TBC1D28: variants seen among roughly 807,000 people sequenced by gnomAD.
TBC1D28 encodes TBC1 domain family member 28.
In TBC1D28, 20 loss-of-function variants were observed where a neutral mutation model predicts 29.2. The ratio of observed to expected loss-of-function variants is 0.68; its 90% CI spans 0.48 to 0.99. The LOEUF (loss-of-function observed/expected upper bound fraction) is 0.99. TBC1D28 is among the 50% of genes least tolerant of loss of function. TBC1D28 has a pLI of 0.00. For missense variants in TBC1D28, 205 were observed against 243.7 expected (o/e 0.84, Z 1.06); for synonymous variants, 65 against 90.9 (o/e 0.71, Z 1.62).
Position 18,637,749 on chromosome 17 carries a change from C to A in TBC1D28, c.497+115G>T, listed in dbSNP as rs2031567556. ...CGGCTGCTCCCTGGGCCAGGAGAGC[C>A]CTTGGTGGCTCTGTCACCTCTCCTG... On this transcript the variant is annotated intron_variant, in intron 8 of 8. Transcript: ENST00000345096. The A allele has an allele frequency of 3.0e-6, 4 of 1,342,058 alleles. No homozygotes were observed. In the African/African-American group the frequency reaches 4.4e-5, roughly 15 times the overall value. 83.1% of individuals were successfully genotyped at this position (1,342,058 alleles called of 1,614,324 possible).
exon 1 of TBC1D28, chr17:18,641,864 C>T: frequency 5.7e-6 from 1 of 176,802 alleles, no homozygotes. Context: ...CAACGCCAGC[C>T]AAGCAGTTTG....
In TBC1D28 at chr17:18,641,432, C is replaced by T. The variant is rs192663547; in HGVS notation, c.-1-79G>A. On this transcript the variant is annotated intron_variant, in intron 2 of 8. Transcript: ENST00000345096. ...AGCCAAACCACACGCACTGCACTCCCAGACACACTCCAGTCTGGTGAGCCC... is the reference window on the plus strand; with the variant it reads ...AGCCAAACCACACGCACTGCACTCCTAGACACACTCCAGTCTGGTGAGCCC... 326 of 1,039,984 alleles carry T rather than the reference C, an allele frequency of 3.1e-4. 4 individuals are homozygous for T. In the East Asian group the frequency reaches 7.6e-3, roughly 24 times the overall value. The allele number at this position is 1,039,984 out of a possible 1,614,324, so 64.4% of individuals were successfully genotyped here.
At chr17:18,634,832 C>CCCTCAGCCT (rs1468550780), downstream of TBC1D28, among the ~76,000 whole-genome samples, 3 of 117,636 alleles carry the variant, frequency 2.6e-5, no homozygotes, top group Non-Finnish European at 6.2e-5. Flanking sequence ...GCCCCTCAGC[C>CCCTCAGCCT]CCTCAGCCTC....
chr17:18,641,776 T>C (rs190522749), intron 1 of TBC1D28, 43 bp from the exon 3 acceptor site: 32 of 202,782 alleles, frequency 1.6e-4, no homozygotes, highest in Admixed American at 2.6e-4. Flanking sequence ...CAGTTTTCCG[T>C]AGGAAGCAAG....
chr17:18,636,478 C>G, exon 9 of TBC1D28: 1 of 1,613,626 alleles, frequency 6.2e-7, no homozygotes, highest in South Asian at 1.1e-5. Flanking sequence ...AGTTGCAACA[C>G]CCCCGAGAGA....
chr17:18,636,080 G>A, exon 9 of TBC1D28: 2 of 1,029,718 alleles, frequency 1.9e-6, no homozygotes, highest in Non-Finnish European at 2.3e-6. Context: ...GAAAGTGGGG[G>A]CCAAGCAGGA....
chr17:18,641,716 G>A (rs2031776498), exon 2 of TBC1D28: 1 of 327,688 alleles, frequency 3.1e-6, no homozygotes. Context: ...GGCAGGTGGA[G>A]TCAGGGACTG....
At position 18,638,715 on chromosome 17, in the gene TBC1D28, C is replaced by T; in HGVS notation, c.199-14G>A. On this transcript the variant is annotated splice_polypyrimidine_tract_variant and intron_variant, in intron 5 of 8. Coordinates refer to ENST00000345096, the Ensembl canonical transcript of TBC1D28. ...CTTGCGTCTTTGCTGTCAAATGAGC[C>T]ATGATGGAGTTAGCGGAGCTGTCAG... 2 of 1,614,030 alleles carry T rather than the reference C, an allele frequency of 1.2e-6. No individual in the cohort carries two copies. The highest frequency in any genetic ancestry group is 1.3e-5 in the African/African-American group (1 of 75,052).
chr17:18,636,106 A>T (rs2031483774), exon 9 of TBC1D28: 1 of 1,044,994 alleles, frequency 9.6e-7, no homozygotes, highest in African/African-American at 1.7e-5. Flanking sequence ...CACCTGGGTG[A>T]CCCCCCTCCC....
In TBC1D28 at chr17:18,637,923, C is replaced by A. The variant is rs184045321; in HGVS notation, c.438G>T (p.Gln146His). Residue 146 changes from glutamine to histidine, a missense_variant, in exon 8 of 9, where the codon CAG becomes CAT. Transcript: ENST00000345096. ...TCTGCAGGGTGTGGCTGACATCTAGCTGGATGCAGTGGATGATTCTGGAGG... is the reference window on the plus strand; with the variant it reads ...TCTGCAGGGTGTGGCTGACATCTAGATGGATGCAGTGGATGATTCTGGAGG... 206 of 1,613,656 alleles carry A rather than the reference C, an allele frequency of 1.3e-4. No individual in the cohort carries two copies. Among genetic ancestry groups the A allele is most frequent in the Non-Finnish European group, 1.6e-4 (189 of 1,179,790 alleles).
Position 18,636,607 on chromosome 17 carries a change from A to G in TBC1D28, c.498-10T>C, listed in dbSNP as rs1216919834. ...ACATAATTCCTGCTGCCTAGAAAAGAGGGGAAAGAGGGTTTTGTTTTTTTT... is the reference window on the plus strand; with the variant it reads ...ACATAATTCCTGCTGCCTAGAAAAGGGGGGAAAGAGGGTTTTGTTTTTTTT... On this transcript the variant is annotated splice_polypyrimidine_tract_variant and intron_variant, in intron 8 of 8. Transcript: ENST00000345096. 1 of 1,604,540 alleles carries G rather than the reference A, an allele frequency of 6.2e-7. No individual in the cohort carries two copies. Among genetic ancestry groups the G allele is most frequent in the East Asian group, 2.2e-5 (1 of 44,720 alleles).
chr17:18,636,175 C>T, exon 9 of TBC1D28: 1 of 1,204,848 alleles, frequency 8.3e-7, no homozygotes. Context: ...TGCCAGGTTT[C>T]CAGTGAAGAA....
intron 5 of TBC1D28, 106 bp from the exon 7 acceptor site, chr17:18,638,807 G>A: frequency 1.4e-6 from 2 of 1,456,456 alleles, no homozygotes; most frequent in Non-Finnish European, 1.9e-6. Flanking sequence ...CCAACCTGAA[G>A]AAGCCAGGAA....
chr17:18,638,337 C>G (rs1464914982), exon 7 of TBC1D28: 3 of 1,614,226 alleles, frequency 1.9e-6, no homozygotes, highest in Non-Finnish European at 2.5e-6. Flanking sequence ...GGTTCTGGGA[C>G]TTGATTTTGT....
chr17:18,643,014 A>C (rs1348925610), upstream of TBC1D28: 1 of 152,280 alleles, frequency 6.6e-6, no homozygotes, highest in Admixed American at 6.5e-5. Context: ...ATGTGGGTGA[A>C]CATGTGTGTG....
chr17:18,636,113 T>G (rs2031484363), exon 9 of TBC1D28: 1 of 1,053,118 alleles, frequency 9.5e-7, no homozygotes, highest in South Asian at 4.2e-5. Flanking sequence ...GTGACCCCCC[T>G]CCCTATCTGC....
chr17:18,643,589 T>C (rs1369725355), upstream of TBC1D28, among the ~76,000 whole-genome samples: 1 of 150,066 alleles, frequency 6.7e-6, no homozygotes, highest in Non-Finnish European at 1.5e-5. Context: ...TGGCCAAGCC[T>C]CTGCTGACCA....
At chr17:18,634,875 C>CCCTCAGCCCCTCAGCCCCTCAGCCG (rs2031416708), downstream of TBC1D28, 1 of 172,256 alleles carries the variant, frequency 5.8e-6, no homozygotes, top group African/African-American at 2.4e-5. Flanking sequence ...CCGCCTCAGC[C>CCCTCAGCCCCTCAGCCCCTCAGCCG]CCTCAGCCCC....
intron 8 of TBC1D28, 82 bp downstream of exon 9, chr17:18,637,782 C>T: frequency 1.3e-6 from 2 of 1,591,502 alleles, no homozygotes; most frequent in Admixed American, 1.7e-5. Context: ...CTGGGTGACC[C>T]TGGCCTCTGC....
Sources: allele counts gnomAD v4.1 joint callset (sites outside exome capture counted in the v4.1 genomes callset), GRCh38; gene constraint gnomAD v4.1.1; transcripts MANE v1.5; gene names NCBI Gene and HGNC (gene_info 2026-07-23, HGNC 2026-07-21).